The following PARP11 variants were observed in gnomAD, a reference collection of about 807,000 sequenced individuals.
The protein encoded by PARP11 is protein mono-ADP-ribosyltransferase PARP11.
In PARP11, 31 loss-of-function variants were observed where a neutral mutation model predicts 42.9. The ratio of observed to expected loss-of-function variants is 0.72; its 90% CI spans 0.54 to 0.98. PARP11 has a LOEUF of 0.98. Ranked by LOEUF, PARP11 falls within the 50% of genes least tolerant of loss-of-function variation. PARP11 has a pLI of 0.00. For missense variants in PARP11, 365 were observed against 413.1 expected (o/e 0.88, Z 1.01); for synonymous variants, 137 against 127.3 (o/e 1.08, Z -0.51).
intron 1 of PARP11, among the ~76,000 whole-genome samples, chr12:3,860,867 A>C (rs950351164): frequency 6.6e-6 from 1 of 152,086 alleles, no homozygotes; most frequent in Non-Finnish European, 1.5e-5. Context: ...TTTTTCAGAG[A>C]CAGTCTTGCC....
Position 3,873,285 on chromosome 12 carries a change from T to C in PARP11, c.-56A>G. On this transcript the variant is annotated 5_prime_UTR_variant, in exon 1 of 8. Transcript: ENST00000228820. ...GTGGGAAGGGGCTAGCCGCGGGGCC[T>C]GGGTGTTGGATTTTTTTTTTTCCCG... The C allele has an allele frequency of 6.6e-7, 1 of 1,524,306 alleles. No individual in the cohort carries two copies. The highest frequency in any genetic ancestry group is 8.9e-7 in the Non-Finnish European group (1 of 1,129,580). 94.4% of individuals were successfully genotyped at this position (1,524,306 alleles called of 1,614,324 possible). A position where few individuals can be genotyped will look rare whatever the true frequency, so the allele number is the denominator to read the frequency against.
intron 1 of PARP11, among the ~76,000 whole-genome samples, chr12:3,844,069 C>T (rs367663901): frequency 3.3e-5 from 5 of 152,164 alleles, no homozygotes; most frequent in Admixed American, 2.6e-4. Context: ...TGGATGCCAG[C>T]TGGGCTCAGT....
chr12:3,852,920 C>CT (rs1462314811), intron 1 of PARP11, among the ~76,000 whole-genome samples: 1 of 152,204 alleles, frequency 6.6e-6, no homozygotes, highest in Non-Finnish European at 1.5e-5. Context: ...GCCCATCAGA[C>CT]TAACAGTGGA....
chr12:3,841,434 C>T lies in PARP11; in HGVS notation c.19-11416G>A, dbSNP rs147049870. Reference sequence around the variant, plus strand: ...ATCCCTGGTTCAAAGAGGCTCCTGCCGCCCAGAATTAAAGTGATTGTACCT... The same window carrying T: ...ATCCCTGGTTCAAAGAGGCTCCTGCTGCCCAGAATTAAAGTGATTGTACCT... On this transcript the variant is annotated intron_variant, in intron 1 of 7. Transcript: ENST00000228820. 3,311 of 1,338,818 alleles carry T rather than the reference C, an allele frequency of 2.5e-3. 55 individuals carry two copies. The African/African-American group carries it at 0.039, about 16-fold the overall frequency. 82.9% of individuals were successfully genotyped at this position (1,338,818 alleles called of 1,614,324 possible). A position where few individuals can be genotyped will look rare whatever the true frequency, so the allele number is the denominator to read the frequency against.
chr12:3,842,620 C>A, intron 1 of PARP11: 1 of 771,462 alleles, frequency 1.3e-6, no homozygotes. Flanking sequence ...GAACTCTTTC[C>A]TCTCCCCAGC....
intron 4 of PARP11, among the ~76,000 whole-genome samples, chr12:3,823,522 GATGA>G (rs931357835): frequency 6.6e-6 from 1 of 152,200 alleles, no homozygotes; most frequent in Non-Finnish European, 1.5e-5. Flanking sequence ...GTAAGTACTG[GATGA>G]ATGAATGAAT....
intron 1 of PARP11, among the ~76,000 whole-genome samples, chr12:3,834,288 G>A (rs2138055289): frequency 6.6e-6 from 1 of 152,298 alleles, no homozygotes; most frequent in South Asian, 2.1e-4. Context: ...CCATCTGAGA[G>A]GACTGACTTT....
intron 1 of PARP11, among the ~76,000 whole-genome samples, chr12:3,845,302 G>A (rs1266647871): frequency 2.0e-5 from 3 of 152,176 alleles, no homozygotes; most frequent in Non-Finnish European, 4.4e-5. Flanking sequence ...CCTAAGCTCA[G>A]ACCCTGCCTT....
In PARP11 at chr12:3,840,342, T is replaced by G; in HGVS notation, c.19-10324A>C. ...TGTCAGGGAAGAAGATGAAAAAACC[T>G]TCCACTTCTGGACAAAATTTCCATT... On this transcript the variant is annotated intron_variant, in intron 1 of 7. Coordinates refer to ENST00000228820, the MANE Select transcript of PARP11 (RefSeq NM_020367.6). The surrounding 1 kb of genome is among the most constrained non-coding windows in gnomAD (Gnocchi z 4.4). The G allele has an allele frequency of 6.2e-7, 1 of 1,614,116 alleles. No homozygotes were observed. The highest frequency in any genetic ancestry group is 8.5e-7 in the Non-Finnish European group (1 of 1,179,968).
rs775661386 is a variant in PARP11 at position 3,828,898 on chromosome 12, A to C, written c.268+12T>G. ...TACTAAAAACACACAACTATTAGGG[A>C]AAAAAACATACCTGCAAAGTCTATC... On this transcript the variant is annotated intron_variant, in intron 3 of 7. Coordinates refer to ENST00000228820, the MANE Select transcript of PARP11 (RefSeq NM_020367.6). 6.2e-7 allele frequency: 1 copy of C among 1,610,708 alleles called. No individual in the cohort carries two copies. The highest frequency in any genetic ancestry group is 8.5e-7 in the Non-Finnish European group (1 of 1,177,596).
At chr12:3,860,983 T>C (rs986461907) in intron 1 of PARP11, among the ~76,000 whole-genome samples, 3 of 152,292 alleles carry the variant, frequency 2.0e-5, no homozygotes, top group East Asian at 1.9e-4. Context: ...CAGACCACCA[T>C]TGCATTTTGG....
chr12:3,825,297 C>A (rs769205328), intron 4 of PARP11, among the ~76,000 whole-genome samples: 14 of 152,102 alleles, frequency 9.2e-5, no homozygotes, highest in Non-Finnish European at 1.8e-4. Context: ...CTTCTTATGG[C>A]CAGAGCAAGC....
chr12:3,859,486 C>A (rs1480998659), intron 1 of PARP11, among the ~76,000 whole-genome samples: 1 of 150,792 alleles, frequency 6.6e-6, no homozygotes, highest in Non-Finnish European at 1.5e-5. Context: ...TCACTTGAAC[C>A]AGGAGGCAGA....
intron 1 of PARP11, among the ~76,000 whole-genome samples, chr12:3,870,069 T>G (rs7952859): frequency 0.02 from 2,985 of 152,340 alleles, 143 homozygotes; most frequent in South Asian, 0.18. Flanking sequence ...TAAAAGTTAT[T>G]AATTGTTCAT....
intron 4 of PARP11, among the ~76,000 whole-genome samples, chr12:3,822,921 TTC>T (rs1424792423): frequency 1.3e-5 from 2 of 152,214 alleles, no homozygotes; most frequent in Non-Finnish European, 2.9e-5. Flanking sequence ...ACCTAAACCC[TTC>T]TCTGTTAATT....
chr12:3,845,320 C>G (rs1291698036), intron 1 of PARP11, among the ~76,000 whole-genome samples: 3 of 152,170 alleles, frequency 2.0e-5, no homozygotes, highest in Non-Finnish European at 4.4e-5. Flanking sequence ...CTTGTCCTGG[C>G]AAGAGTAGGT....
intron 4 of PARP11, among the ~76,000 whole-genome samples, chr12:3,825,852 G>A (rs1355599692): frequency 6.6e-6 from 1 of 151,886 alleles, no homozygotes; most frequent in African/African-American, 2.4e-5. Flanking sequence ...TCAGCCTCCC[G>A]AGTAGCTGGG....
intron 1 of PARP11, among the ~76,000 whole-genome samples, chr12:3,835,705 TAATC>T (rs887960812): frequency 2.0e-5 from 3 of 152,158 alleles, no homozygotes; most frequent in Non-Finnish European, 2.9e-5. Context: ...TAATTTAAGA[TAATC>T]AAATGGAAAT....
At chr12:3,856,119 A>G (rs1948185178) in intron 1 of PARP11, among the ~76,000 whole-genome samples, 1 of 152,150 alleles carries the variant, frequency 6.6e-6, no homozygotes, top group African/African-American at 2.4e-5. Context: ...ATAAAAATTA[A>G]TTTTCAAGAT....
Sources: gnomAD v4.1 joint callset for allele counts (sites outside exome capture counted in the v4.1 genomes callset) on GRCh38, gnomAD v4.1.1 for gene constraint, Gnocchi (gnomAD v3.1) non-coding constraint, MANE v1.5 for transcripts, NCBI Gene and HGNC (gene_info 2026-07-23, HGNC 2026-07-21) for gene names.